Variants in RUNDC3B observed in about 807,000 individuals in gnomAD.
RUNDC3B encodes RUN domain-containing protein 3B.
A neutral mutation model predicts 58.4 loss-of-function variants in RUNDC3B; 33 were observed. The ratio of observed to expected loss-of-function variants is 0.56; its 90% confidence interval spans 0.43 to 0.75. RUNDC3B has a LOEUF of 0.75. Ranked by LOEUF, RUNDC3B falls within the 30% of genes least tolerant of loss-of-function variation. RUNDC3B has a pLI of 0.00. For synonymous variants in RUNDC3B, 193 were observed against 195.2 expected (o/e 0.99, Z 0.10); for missense variants, 501 against 535.7 (o/e 0.94, Z 0.64).
chr7:87,741,477 T>C, intron 5 of RUNDC3B, 22 bp from the exon 6 acceptor site: 1 of 1,294,936 alleles, frequency 7.7e-7, no homozygotes, highest in Non-Finnish European at 1.1e-6. Flanking sequence ...TAATAGGAAA[T>C]ATTTATTTTC....
At chr7:87,705,292 A>G (rs1829485643) in intron 3 of RUNDC3B, among the ~76,000 whole-genome samples, 1 of 152,084 alleles carries the variant, frequency 6.6e-6, no homozygotes. Context: ...CAGGAGTGGT[A>G]GCGCATGCCT....
intron 6 of RUNDC3B, among the ~76,000 whole-genome samples, chr7:87,764,836 T>G (rs954720045): frequency 6.6e-6 from 1 of 152,000 alleles, no homozygotes; most frequent in Non-Finnish European, 1.5e-5. Context: ...ACATTTGCTA[T>G]TGTGAATAGT....
chr7:87,750,255 C>T (rs2130829540), intron 6 of RUNDC3B, among the ~76,000 whole-genome samples: 2 of 152,190 alleles, frequency 1.3e-5, no homozygotes, highest in South Asian at 4.2e-4. Flanking sequence ...ATATGTGCCA[C>T]ATTTTCTTAA....
At chr7:87,709,443 C>A in intron 3 of RUNDC3B, 1 of 985,286 alleles carries the variant, frequency 1.0e-6, no homozygotes, top group South Asian at 4.7e-5. Flanking sequence ...TGCAGGTTCC[C>A]CTAGGCTTAC....
In RUNDC3B at chr7:87,770,007, A is replaced by G. The variant is rs1248012071; in HGVS notation, c.630-574A>G. On this transcript the variant is annotated intron_variant, in intron 6 of 10. Coordinates refer to ENST00000394654, the MANE Select transcript of RUNDC3B (RefSeq NM_001134405.2). ...AGGAATTTTAGATATGGATTGTGAT[A>G]GATGTTCTCTCTGCTCTACCTCTGC... 2.0e-5 allele frequency among the ~76,000 whole-genome samples: 3 copies of G among 152,052 alleles called. No homozygotes were observed. In the East Asian group the frequency reaches 5.8e-4, roughly 30 times the overall value.
intron 1 of RUNDC3B, among the ~76,000 whole-genome samples, chr7:87,632,613 G>A (rs895830992): frequency 4.6e-5 from 7 of 151,998 alleles, no homozygotes; most frequent in Non-Finnish European, 1.0e-4. Flanking sequence ...ATTCTCTATC[G>A]TTTAGAACTT....
Position 87,831,357 on chromosome 7 carries a change from AG to A in RUNDC3B, c.*1329del, listed in dbSNP as rs1341954238. The A allele has an allele frequency of 4.6e-5, 7 of 151,868 alleles. No individual in the cohort carries two copies. The highest frequency in any genetic ancestry group is 4.6e-4 in the Admixed American group (7 of 15,204). 9.4% of individuals were successfully genotyped at this position (151,868 alleles called of 1,614,324 possible). On this transcript the variant is annotated 3_prime_UTR_variant, in exon 11 of 11. Transcript: ENST00000394654. ...CATTCATTCTTTGTGTTAGAAATGT[AG>A]GAGTGTGGTGGTTTTCTGCAATATT... is the stretch of plus-strand genomic sequence containing the variant.
intron 6 of RUNDC3B, among the ~76,000 whole-genome samples, chr7:87,757,742 C>G (rs1287736083): frequency 1.3e-5 from 2 of 152,104 alleles, no homozygotes; most frequent in African/African-American, 4.8e-5. Context: ...CTGGAAGAAT[C>G]AAATCACCTG....
intron 2 of RUNDC3B, chr7:87,693,892 T>C: frequency 6.2e-7 from 1 of 1,604,162 alleles, no homozygotes; most frequent in Non-Finnish European, 8.5e-7. Context: ...TTGTTGTTGT[T>C]ATTTTTTTTT....
At chr7:87,690,642 C>G (rs1827923648) in intron 2 of RUNDC3B, among the ~76,000 whole-genome samples, 1 of 152,086 alleles carries the variant, frequency 6.6e-6, no homozygotes, top group South Asian at 2.1e-4. Flanking sequence ...GCATTTTTAT[C>G]TGTTGCTTCG....
intron 2 of RUNDC3B, among the ~76,000 whole-genome samples, chr7:87,659,540 A>G (rs918066252): frequency 6.6e-6 from 1 of 152,164 alleles, no homozygotes; most frequent in Non-Finnish European, 1.5e-5. Context: ...TACATATAGG[A>G]CCACATTAGA....
intron 3 of RUNDC3B, among the ~76,000 whole-genome samples, chr7:87,706,449 A>G (rs1447810265): frequency 1.3e-5 from 2 of 152,202 alleles, no homozygotes; most frequent in East Asian, 3.8e-4. Context: ...GTAAGAAAAC[A>G]ATCAGGTTCC....
intron 4 of RUNDC3B, among the ~76,000 whole-genome samples, chr7:87,739,415 G>A (rs2073985): frequency 0.11 from 15,994 of 151,840 alleles, 1,051 homozygotes; most frequent in African/African-American, 0.19. Flanking sequence ...TTGAAAATAG[G>A]TAAATACAGA....
chr7:87,773,816 T>C (rs1834455021), intron 7 of RUNDC3B, among the ~76,000 whole-genome samples: 1 of 152,076 alleles, frequency 6.6e-6, no homozygotes, highest in Non-Finnish European at 1.5e-5. Context: ...TACCTAGGAC[T>C]ACAGGCATGT....
At chr7:87,687,267 G>A (rs1379798939) in intron 2 of RUNDC3B, among the ~76,000 whole-genome samples, 1 of 151,980 alleles carries the variant, frequency 6.6e-6, no homozygotes, top group Non-Finnish European at 1.5e-5. Flanking sequence ...CTACCACAGG[G>A]CACCATTGCA....
intron 6 of RUNDC3B, among the ~76,000 whole-genome samples, chr7:87,759,573 G>T (rs1375488152): frequency 6.6e-6 from 1 of 152,048 alleles, no homozygotes; most frequent in African/African-American, 2.4e-5. Context: ...GAGGCAGGGG[G>T]ATCACTTGAG....
chr7:87,824,033 C>A (rs2130970516), intron 10 of RUNDC3B, among the ~76,000 whole-genome samples: 1 of 152,270 alleles, frequency 6.6e-6, no homozygotes, highest in African/African-American at 2.4e-5. Flanking sequence ...CATATAATTT[C>A]TGTATCCTAT....
At chr7:87,730,849 A>G (rs1831533868) in intron 4 of RUNDC3B, among the ~76,000 whole-genome samples, 2 of 152,192 alleles carry the variant, frequency 1.3e-5, no homozygotes, top group South Asian at 4.2e-4. Context: ...CCCCAGGTCC[A>G]GGCAGCTCAG....
At chr7:87,818,587 A>G (rs1488954303) in intron 10 of RUNDC3B, among the ~76,000 whole-genome samples, 2 of 152,210 alleles carry the variant, frequency 1.3e-5, no homozygotes. Flanking sequence ...ATAAAACCAC[A>G]CAAAACCCAA....
Sources: gnomAD v4.1 joint callset for allele counts (sites outside exome capture counted in the v4.1 genomes callset) on GRCh38, gnomAD v4.1.1 for gene constraint, MANE v1.5 for transcripts, NCBI Gene and HGNC (gene_info 2026-07-23, HGNC 2026-07-21) for gene names.